The following CTNND2 variants were observed in gnomAD, a reference collection of about 807,000 sequenced individuals.
CTNND2 encodes catenin delta-2.
A neutral mutation model predicts 144.4 loss-of-function variants in CTNND2; 22 were observed. That is an observed-to-expected ratio of 0.15 (90% CI 0.11 to 0.22). CTNND2 has a LOEUF of 0.22. Ranked by LOEUF, CTNND2 falls within the 10% of genes least tolerant of loss-of-function variation. The probability of loss-of-function intolerance (pLI) is 1.00; values close to 1 mark genes in which losing one functional copy is unlikely to be tolerated. For synonymous variants in CTNND2, 751 were observed against 695.6 expected (o/e 1.08, Z -1.25); for missense variants, 1,353 against 1,618.8 (o/e 0.84, Z 2.82).
chr5:11,158,970 T>G (rs968246866), intron 12 of CTNND2, among the ~76,000 whole-genome samples: 2 of 152,322 alleles, frequency 1.3e-5, no homozygotes. Context: ...ATAAAGTTGA[T>G]TCTAAGAAAT....
At chr5:11,563,716 A>G (rs1776852790) in intron 3 of CTNND2, among the ~76,000 whole-genome samples, 1 of 152,190 alleles carries the variant, frequency 6.6e-6, no homozygotes, top group Admixed American at 6.5e-5. Flanking sequence ...CCGCTTAACA[A>G]CAGAGAGTGC....
chr5:11,639,818 G>A (rs1042237132), intron 2 of CTNND2, among the ~76,000 whole-genome samples: 1 of 152,056 alleles, frequency 6.6e-6, no homozygotes, highest in East Asian at 1.9e-4. Context: ...ACTGATTAAG[G>A]TTGAGATCAC....
intron 9 of CTNND2, among the ~76,000 whole-genome samples, chr5:11,252,392 G>T (rs530608375): frequency 1.8e-4 from 28 of 152,268 alleles, no homozygotes; most frequent in African/African-American, 6.3e-4. Context: ...TTATACCTTA[G>T]TTCTATGTCT....
intron 2 of CTNND2, among the ~76,000 whole-genome samples, chr5:11,567,009 C>A (rs1777163873): frequency 6.6e-6 from 1 of 152,132 alleles, no homozygotes; most frequent in Admixed American, 6.5e-5. Context: ...GACAGGCCTT[C>A]AAAAGGTATA....
intron 9 of CTNND2, among the ~76,000 whole-genome samples, chr5:11,286,189 G>C (rs867978539): frequency 1.1e-4 from 16 of 151,770 alleles, no homozygotes; most frequent in Non-Finnish European, 1.9e-4. Context: ...ATATAAGGAA[G>C]ACTTTTAGAC....
At chr5:11,348,449 AAAAAAAAG>A (rs1220364251) in intron 8 of CTNND2, among the ~76,000 whole-genome samples, 1 of 147,718 alleles carries the variant, frequency 6.8e-6, no homozygotes, top group Non-Finnish European at 1.5e-5. Context: ...AAAAAAAAAA[AAAAAAAAG>A]AAAAAAGAAA....
intron 1 of CTNND2, among the ~76,000 whole-genome samples, chr5:11,747,362 C>A (rs1197605557): frequency 6.6e-6 from 1 of 152,130 alleles, no homozygotes; most frequent in Admixed American, 6.6e-5. Context: ...TAACATATTT[C>A]ATAAAAATGA....
Position 11,069,495 on chromosome 5 carries a change from C to T in CTNND2, c.2788+13201G>A, listed in dbSNP as rs114853895. On this transcript the variant is annotated intron_variant, in intron 16 of 21. Coordinates refer to ENST00000304623, the MANE Select transcript of CTNND2 (RefSeq NM_001332.4). ...CCGTAGGGACAGAGGAGAGAGTGTCCAACTGGAAAGGAGGCTGTGAACTCA... is the reference window on the plus strand; with the variant it reads ...CCGTAGGGACAGAGGAGAGAGTGTCTAACTGGAAAGGAGGCTGTGAACTCA... 3.9e-3 allele frequency among the ~76,000 whole-genome samples: 592 copies of T among 152,038 alleles called. 4 individuals carry two copies. The highest frequency in any genetic ancestry group is 0.012 in the African/African-American group (498 of 41,456).
chr5:11,460,485 A>G (rs971208781), intron 3 of CTNND2, among the ~76,000 whole-genome samples: 1 of 152,204 alleles, frequency 6.6e-6, no homozygotes, highest in African/African-American at 2.4e-5. Flanking sequence ...AGATATGAGA[A>G]CCAAAAATAT....
chr5:11,838,769 ATT>A (rs1178142954), intron 1 of CTNND2, among the ~76,000 whole-genome samples: 1 of 152,178 alleles, frequency 6.6e-6, no homozygotes, highest in Non-Finnish European at 1.5e-5. Flanking sequence ...TGTCTTTGAT[ATT>A]GTGTCATATC....
intron 7 of CTNND2, among the ~76,000 whole-genome samples, chr5:11,367,490 C>A (rs1757092709): frequency 6.6e-6 from 1 of 152,160 alleles, no homozygotes; most frequent in African/African-American, 2.4e-5. Flanking sequence ...TATATATTTG[C>A]TGATTCAAAT....
chr5:11,050,955 A>G (rs748400065), intron 16 of CTNND2, among the ~76,000 whole-genome samples: 4 of 152,146 alleles, frequency 2.6e-5, no homozygotes, highest in Admixed American at 2.6e-4. Context: ...TTTCTCCACT[A>G]TAATATTTAC....
chr5:11,437,033 A>G (rs1763836695), intron 3 of CTNND2, among the ~76,000 whole-genome samples: 2 of 152,212 alleles, frequency 1.3e-5, no homozygotes, highest in African/African-American at 4.8e-5. Flanking sequence ...GTTCTGGAGT[A>G]CCAACTGGAA....
chr5:11,616,929 A>C (rs994958612), intron 2 of CTNND2, among the ~76,000 whole-genome samples: 1 of 151,966 alleles, frequency 6.6e-6, no homozygotes, highest in African/African-American at 2.4e-5. Context: ...TCTTTTTGCC[A>C]ATCTCTTTGT....
At chr5:11,676,159 C>A (rs1026629985) in intron 2 of CTNND2, among the ~76,000 whole-genome samples, 2 of 152,068 alleles carry the variant, frequency 1.3e-5, no homozygotes, top group African/African-American at 2.4e-5. Context: ...TGCTTAGATA[C>A]TGTTTTCCTA....
At chr5:11,580,839 G>A (rs1778372889) in intron 2 of CTNND2, among the ~76,000 whole-genome samples, 1 of 152,120 alleles carries the variant, frequency 6.6e-6, no homozygotes, top group Non-Finnish European at 1.5e-5. Flanking sequence ...TGACACAGTA[G>A]ACTTTGAAAA....
chr5:11,553,846 T>C (rs1775984990), intron 3 of CTNND2, among the ~76,000 whole-genome samples: 1 of 152,126 alleles, frequency 6.6e-6, no homozygotes, highest in Non-Finnish European at 1.5e-5. Context: ...TTCTTCTAAA[T>C]AAAATTAGTT....
chr5:11,858,586 T>C (rs74721759), intron 1 of CTNND2, among the ~76,000 whole-genome samples: 7,306 of 152,262 alleles, frequency 0.048, 288 homozygotes, highest in African/African-American at 0.1. Flanking sequence ...GAAGCATTAA[T>C]TTTTCTGTTA....
At chr5:11,128,273 T>C (rs184661632) in intron 12 of CTNND2, among the ~76,000 whole-genome samples, 83 of 152,062 alleles carry the variant, frequency 5.5e-4, no homozygotes, top group Non-Finnish European at 6.5e-4. Context: ...GTGCAGGAGC[T>C]GAGGGCAGCT....
Sources: allele counts gnomAD v4.1 joint callset (sites outside exome capture counted in the v4.1 genomes callset), GRCh38; gene constraint gnomAD v4.1.1; transcripts MANE v1.5; gene names NCBI Gene and HGNC (gene_info 2026-07-23, HGNC 2026-07-21).